Variants in PKD1L1 observed in about 807,000 individuals in gnomAD.
PKD1L1 encodes polycystin 1 like 1, transient receptor potential channel interacting.
Under a neutral mutation model 323.4 loss-of-function variants are expected in PKD1L1, and 236 were observed. That is an observed-to-expected ratio of 0.73 (90% CI 0.66 to 0.81). PKD1L1 has a LOEUF of 0.81. Among genes scored for constraint, PKD1L1 ranks in the 40% least tolerant of loss-of-function variants. The pLI is 0.00. For synonymous variants in PKD1L1, 1,344 were observed against 1,335.0 expected (o/e 1.01, Z -0.15); for missense variants, 3,320 against 3,508.0 (o/e 0.95, Z 1.35).
chr7:47,813,364 A>G, intron 48 of PKD1L1, 71 bp from the exon 49 acceptor site: 1 of 1,530,098 alleles, frequency 6.5e-7, no homozygotes. Flanking sequence ...CGGGGTCTCC[A>G]GGCCTGGCCA....
In PKD1L1 at chr7:47,833,187, G is replaced by A. The variant is rs1246804433; in HGVS notation, c.6240C>T (p.Gly2080=). Residue 2080 remains glycine, a synonymous_variant, in exon 41 of 57, where the codon GGC becomes GGT. Transcript: ENST00000289672. ...GCAGCTTAGGGGCTGGACAAGCTGT[G>A]CCATTGTCACTTGCCGCCTTCCTTT... ...RAQRKAASDN[G]TACPAPKLQV... is the part of the protein sequence containing the mutation. The A allele has an allele frequency of 6.2e-7, 1 of 1,612,950 alleles. No homozygotes were observed. Among genetic ancestry groups the A allele is most frequent in the Non-Finnish European group, 8.5e-7 (1 of 1,179,568 alleles).
intron 37 of PKD1L1, among the ~76,000 whole-genome samples, chr7:47,836,716 G>C (rs1785463867): frequency 6.6e-6 from 1 of 152,260 alleles, no homozygotes; most frequent in African/African-American, 2.4e-5. Context: ...CACCGAGCCA[G>C]CAGAGTCAGA....
In PKD1L1 at chr7:47,946,801, G is replaced by A. The variant is rs1410014267; in HGVS notation, c.44+1596C>T. Among the ~76,000 whole-genome samples, 1 of 150,974 alleles carries A rather than the reference G, an allele frequency of 6.6e-6. No individual in the cohort carries two copies. The highest frequency in any genetic ancestry group is 1.5e-5 in the Non-Finnish European group (1 of 68,030). On this transcript the variant is annotated intron_variant, in intron 1 of 56. Transcript: ENST00000289672. This position sits in a 1 kb window ranked among gnomAD's most constrained non-coding sequence, Gnocchi z 4.1. ...TTAGGTGACTCAGGAAACCCCAAAAGGCTATGACTTCAGAAATGGGGCCTC... is the reference window on the plus strand; with the variant it reads ...TTAGGTGACTCAGGAAACCCCAAAAAGCTATGACTTCAGAAATGGGGCCTC...
At position 47,905,209 on chromosome 7, in the gene PKD1L1, G is replaced by A. The variant is rs1787177535; in HGVS notation, c.1639C>T (p.Pro547Ser). The change falls in exon 11 of 57, where the codon CCA (proline) becomes TCA (serine). Residue 547 changes from proline to serine, a missense_variant. Pro to Ser is a moderately conservative substitution (Grantham distance 74). Transcript: ENST00000289672. ...EFEWYFGEDPPVRTTSRSIKK... is the reference protein window; with the variant it reads ...EFEWYFGEDPSVRTTSRSIKK... ...ATGCTTCTTGAAGTTGTCCTCACTGGTGGATCCTCTCCAAAATACCACTCA... is the reference window on the plus strand; with the variant it reads ...ATGCTTCTTGAAGTTGTCCTCACTGATGGATCCTCTCCAAAATACCACTCA... 6.2e-7 allele frequency: 1 copy of A among 1,613,976 alleles called. No homozygotes were observed. Among genetic ancestry groups the A allele is most frequent in the Admixed American group, 1.7e-5 (1 of 59,990 alleles).
chr7:47,827,668 T>A (rs1207375758), intron 44 of PKD1L1, among the ~76,000 whole-genome samples, 200 bp from the exon 45 acceptor site: 1 of 152,220 alleles, frequency 6.6e-6, no homozygotes, highest in Non-Finnish European at 1.5e-5. Context: ...GACCCATTTT[T>A]AAAAATCTGC....
Position 47,936,336 on chromosome 7 carries a change from C to T in PKD1L1, c.398+510G>A, listed in dbSNP as rs112555669. ...CACAACCCTCCGTTCCTCCTCCCCA[C>T]AGCCCCTGGCAACCACCCCACTCTC... On this transcript the variant is annotated intron_variant, in intron 4 of 56. Transcript: ENST00000289672. Among the ~76,000 whole-genome samples, 635 of 152,286 alleles carry T rather than the reference C, an allele frequency of 4.2e-3. 7 individuals carry two copies. Among genetic ancestry groups the T allele is most frequent in the African/African-American group, 0.015 (604 of 41,554 alleles).
intron 56 of PKD1L1, among the ~76,000 whole-genome samples, chr7:47,777,589 A>C (rs1304284435): frequency 3.9e-5 from 6 of 152,236 alleles, no homozygotes; most frequent in Admixed American, 3.9e-4. Flanking sequence ...AAAGGTTATA[A>C]ATAATAATAT....
intron 21 of PKD1L1, among the ~76,000 whole-genome samples, chr7:47,880,282 A>ATTTTTTTTTTTTTTTTT (rs1309864473): frequency 5.7e-5 from 4 of 69,714 alleles, no homozygotes; most frequent in African/African-American, 8.0e-5. Context: ...ATATATATAT[A>ATTTTTTTTTTTTTTTTT]TATTTTTTTT....
At position 47,905,854 on chromosome 7, in the gene PKD1L1, T is replaced by C. The variant is rs774596238; in HGVS notation, c.1511A>G (p.Tyr504Cys). ...AAACAAAGACATACATTGCATCTTA[T>C]ACCAGACAGTCATGCTGTGCCAAGC... ...SQAWHSMTVW[Y>C]KMQSVSVYTN... Residue 504 changes from tyrosine (Y) to cysteine (C), a missense_variant, in exon 10 of 57, where the codon TAT becomes TGT. Coordinates refer to ENST00000289672, the MANE Select transcript of PKD1L1 (RefSeq NM_138295.5). 4 of 1,613,064 alleles carry C rather than the reference T, an allele frequency of 2.5e-6. No individual in the cohort carries two copies. The highest frequency in any genetic ancestry group is 2.2e-5 in the East Asian group (1 of 44,860).
chr7:47,946,896 A>G lies in PKD1L1; in HGVS notation c.44+1501T>C, dbSNP rs1368392016. Reference sequence around the variant, plus strand: ...GCAAGTACAAGATGTATAAATATACAGGGGAAAAAACATCAAGTCAGCGAC... The same window carrying G: ...GCAAGTACAAGATGTATAAATATACGGGGGAAAAAACATCAAGTCAGCGAC... On this transcript the variant is annotated intron_variant, in intron 1 of 56. Transcript: ENST00000289672. The surrounding 1 kb of genome is among the most constrained non-coding windows in gnomAD (Gnocchi z 4.1). Among the ~76,000 whole-genome samples the G allele has an allele frequency of 7.2e-6, 1 of 138,916 alleles. No individual in the cohort carries two copies. Among genetic ancestry groups the G allele is most frequent in the East Asian group, 1.9e-4 (1 of 5,190 alleles). 91.1% of individuals were successfully genotyped at this position (138,916 alleles called of 152,430 possible). A position where few individuals can be genotyped will look rare whatever the true frequency, so the allele number is the denominator to read the frequency against.
intron 52 of PKD1L1, among the ~76,000 whole-genome samples, chr7:47,807,508 C>A (rs1784805122): frequency 6.6e-6 from 1 of 152,102 alleles, no homozygotes; most frequent in African/African-American, 2.4e-5. Context: ...GGGCCCTGAC[C>A]ACCCTCTAGA....
At chr7:47,958,829 G>GTCTCCC in the PKD1L1 span, among the ~76,000 whole-genome samples, 1 of 150,172 alleles carries the variant, frequency 6.7e-6, no homozygotes, top group African/African-American at 2.5e-5. Context: ...TCTCCCCACG[G>GTCTCCC]TCTCCCTCTC....
At chr7:47,794,361 T>C (rs1479702202) in intron 55 of PKD1L1, among the ~76,000 whole-genome samples, 1 of 152,184 alleles carries the variant, frequency 6.6e-6, no homozygotes, top group Non-Finnish European at 1.5e-5. Flanking sequence ...TGTGTCCCAG[T>C]TGCTCCAGCC....
chr7:47,923,655 A>T (rs1319698610), intron 7 of PKD1L1, among the ~76,000 whole-genome samples: 2 of 138,882 alleles, frequency 1.4e-5, no homozygotes, highest in African/African-American at 6.8e-5. Context: ...TGGCAAAAAT[A>T]AATAAATAAA....
At position 47,837,087 on chromosome 7, in the gene PKD1L1, T is replaced by C. The variant is rs369443961; in HGVS notation, c.5777A>G (p.Tyr1926Cys). 1.2e-5 allele frequency: 20 copies of C among 1,613,866 alleles called. No individual in the cohort carries two copies. The highest frequency in any genetic ancestry group is 3.3e-5 in the South Asian group (3 of 91,068). The change falls in exon 37 of 57, where the codon TAT (tyrosine) becomes TGT (cysteine). Residue 1926 changes from tyrosine (Y) to cysteine (C), a missense_variant. Transcript: ENST00000289672. ...CTCCAGGTACTCTGTGAACTTGCAATAGAAAAGCTGAAACGGAAAGCAGGA... is the reference window on the plus strand; with the variant it reads ...CTCCAGGTACTCTGTGAACTTGCAACAGAAAAGCTGAAACGGAAAGCAGGA... ...QGGLGFRKLF[Y>C]CKFTEYLEDF...
chr7:47,932,101 G>T, intron 4 of PKD1L1, 45 bp from the exon 5 acceptor site: 1 of 1,575,304 alleles, frequency 6.3e-7, no homozygotes. Context: ...ACCCGGTCAT[G>T]TTTCAGTCAC....
At chr7:47,809,403 T>G in intron 51 of PKD1L1, 70 bp downstream of exon 51, 1 of 1,211,904 alleles carries the variant, frequency 8.3e-7, no homozygotes, top group Non-Finnish European at 1.1e-6. Flanking sequence ...ATTTCTTATT[T>G]AAATTATTTT....
At chr7:47,864,019 T>C (rs1786092892) in intron 26 of PKD1L1, among the ~76,000 whole-genome samples, 1 of 152,112 alleles carries the variant, frequency 6.6e-6, no homozygotes, top group African/African-American at 2.4e-5. Context: ...ATAAGTGAGA[T>C]TCTAAGCATG....
chr7:47,820,666 G>A (rs1417343678), intron 46 of PKD1L1, among the ~76,000 whole-genome samples: 1 of 152,078 alleles, frequency 6.6e-6, no homozygotes, highest in Non-Finnish European at 1.5e-5. Context: ...GGTGGAGATT[G>A]CAGTGAGCTG....
Sources: gnomAD v4.1 joint callset for allele counts (sites outside exome capture counted in the v4.1 genomes callset) on GRCh38, gnomAD v4.1.1 for gene constraint, Gnocchi (gnomAD v3.1) non-coding constraint, MANE v1.5 for transcripts, NCBI Gene and HGNC (gene_info 2026-07-23, HGNC 2026-07-21) for gene names.